BTBD9: variants seen among roughly 807,000 people sequenced by gnomAD.
The protein encoded by BTBD9 is BTB domain containing 9.
BTBD9 carries 49 observed loss-of-function variants against 64.3 expected under a neutral mutation model. That is an observed-to-expected ratio of 0.76 (90% CI 0.61 to 0.97). The LOEUF (loss-of-function observed/expected upper bound fraction) is 0.97, where lower values mean the gene tolerates loss of function less well. Among genes scored for constraint, BTBD9 ranks in the 50% least tolerant of loss-of-function variants. The pLI, the probability that BTBD9 is intolerant of heterozygous loss-of-function variation, is 0.00. For synonymous variants in BTBD9, 260 were observed against 274.7 expected (o/e 0.95, Z 0.53); for missense variants, 598 against 762.1 (o/e 0.78, Z 2.53).
chr6:38,613,148 T>C (rs1481033609), intron 1 of BTBD9: 1 of 152,242 alleles, frequency 6.6e-6, no homozygotes, highest in Non-Finnish European at 1.5e-5. Context: ...CTTCATAAAA[T>C]ATATTAAAAT....
intron 7 of BTBD9, among the ~76,000 whole-genome samples, chr6:38,329,778 A>C (rs969648630): frequency 1.5e-4 from 23 of 151,234 alleles, no homozygotes; most frequent in Non-Finnish European, 2.7e-4. Context: ...AACAGGCAAA[A>C]CTCCCTCTAC....
At chr6:38,300,842 GC>G (rs1354580479) in intron 7 of BTBD9, among the ~76,000 whole-genome samples, 4 of 152,040 alleles carry the variant, frequency 2.6e-5, no homozygotes, top group African/African-American at 9.7e-5. Context: ...CTAATTGAAT[GC>G]CCTTTATTTC....
At chr6:38,180,545 G>C (rs1170677801) in intron 10 of BTBD9, among the ~76,000 whole-genome samples, 1 of 106,394 alleles carries the variant, frequency 9.4e-6, no homozygotes, top group Non-Finnish European at 2.1e-5. Context: ...AGGTGGAACA[G>C]CCAAGTCCTG....
In BTBD9 at chr6:38,466,223, C is replaced by G. The variant is rs377565629; in HGVS notation, c.1154+111377G>C. Among the ~76,000 whole-genome samples, 55 of 148,302 alleles carry G rather than the reference C, an allele frequency of 3.7e-4. 1 individual carries two copies. Among genetic ancestry groups the G allele is most frequent in the Admixed American group, 1.4e-3 (21 of 14,832 alleles). ...ATTAGTCTTTTAATATCTATGGAATCTGTACTGATGTCAGAATTTCTAAAG... is the reference window on the plus strand; with the variant it reads ...ATTAGTCTTTTAATATCTATGGAATGTGTACTGATGTCAGAATTTCTAAAG... On this transcript the variant is annotated intron_variant, in intron 6 of 10. Transcript: ENST00000481247.
At chr6:38,602,427 C>T (rs992427642) in intron 1 of BTBD9, among the ~76,000 whole-genome samples, 19 of 149,368 alleles carry the variant, frequency 1.3e-4, no homozygotes, top group African/African-American at 3.7e-4. Flanking sequence ...ACAAAAAAAT[C>T]TTAAGTATGT....
chr6:38,559,482 C>T (rs562399206), intron 6 of BTBD9, among the ~76,000 whole-genome samples: 4 of 152,224 alleles, frequency 2.6e-5, no homozygotes, highest in African/African-American at 7.2e-5. Context: ...GAATTACTAT[C>T]GTGAAAATGG....
chr6:38,542,193 A>G (rs1162985991), intron 6 of BTBD9, among the ~76,000 whole-genome samples: 2 of 152,202 alleles, frequency 1.3e-5, no homozygotes, highest in African/African-American at 4.8e-5. Flanking sequence ...TTTTCTAAGA[A>G]CAAGTCTTGC....
At chr6:38,217,152 CA>C (rs35599057) in intron 9 of BTBD9, among the ~76,000 whole-genome samples, 59,264 of 121,720 alleles carry the variant, frequency 0.49, 13,244 homozygotes, top group Non-Finnish European at 0.55. Flanking sequence ...ACTAAGGATA[CA>C]AAAAAAAAAA....
At chr6:38,505,477 A>T (rs1250764580) in intron 6 of BTBD9, among the ~76,000 whole-genome samples, 7 of 152,018 alleles carry the variant, frequency 4.6e-5, no homozygotes, top group Non-Finnish European at 8.8e-5. Flanking sequence ...ATACAAAATT[A>T]GCCAGGCGTG....
At position 38,597,942 on chromosome 6, in the gene BTBD9, CCT is replaced by C. The variant is rs1477598121; in HGVS notation, c.151_152del (p.Arg51GlyfsTer24). On this transcript the variant is annotated frameshift_variant, in exon 2 of 11. Coordinates refer to ENST00000481247, the MANE Select transcript of BTBD9 (RefSeq NM_001099272.2). LOFTEE classifies it high-confidence loss of function. ...ATTGGCACCTGGCTGCTAAAATTAC[CCT>C]GTGGGCAGGAAAACGTTTCTTTTCC... Reference protein sequence around the residue: ...VVEKKRFPAHRVILAARCQYF... With the variant: ...VVEKKRFPAHXVILAARCQYF... The C allele has an allele frequency of 1.2e-6, 2 of 1,613,846 alleles. No homozygotes were observed. The highest frequency in any genetic ancestry group is 1.1e-5 in the South Asian group (1 of 91,038).
chr6:38,391,386 T>C (rs1176181038), intron 6 of BTBD9, among the ~76,000 whole-genome samples: 1 of 152,170 alleles, frequency 6.6e-6, no homozygotes, highest in Non-Finnish European at 1.5e-5. Flanking sequence ...CACAGTCTCT[T>C]GGAGAAGGCT....
At chr6:38,408,938 A>G (rs191696149) in intron 6 of BTBD9, among the ~76,000 whole-genome samples, 1 of 152,342 alleles carries the variant, frequency 6.6e-6, no homozygotes, top group East Asian at 1.9e-4. Flanking sequence ...TACCAGTGCT[A>G]TAGAAAAAGA....
chr6:38,583,807 A>G (rs1422209518), intron 4 of BTBD9, among the ~76,000 whole-genome samples: 2 of 152,024 alleles, frequency 1.3e-5, no homozygotes, highest in African/African-American at 4.8e-5. Flanking sequence ...TTCAAAACAG[A>G]GAACATCTAC....
intron 6 of BTBD9, 115 bp downstream of exon 6, chr6:38,577,485 G>A: frequency 1.0e-6 from 1 of 1,003,704 alleles, no homozygotes; most frequent in Non-Finnish European, 1.4e-6. Flanking sequence ...GATATGTTTA[G>A]TAGTTGACAT....
chr6:38,175,720 G>T lies in BTBD9; in HGVS notation c.1642-538C>A, dbSNP rs369975907. Among the ~76,000 whole-genome samples, 9 of 152,296 alleles carry T rather than the reference G, an allele frequency of 5.9e-5. No homozygotes were observed. The South Asian group carries it at 1.7e-3, about 28-fold the overall frequency. ...TTGAGGTTCATTGGTGTGTCTGCAG[G>T]GTCCCAGTCTGAGTGCATGTGAATG... On this transcript the variant is annotated intron_variant, in intron 10 of 10. Coordinates refer to ENST00000481247, the MANE Select transcript of BTBD9 (RefSeq NM_001099272.2).
intron 6 of BTBD9, among the ~76,000 whole-genome samples, chr6:38,534,132 C>T (rs1480186480): frequency 6.6e-6 from 1 of 151,452 alleles, no homozygotes; most frequent in Admixed American, 6.6e-5. Context: ...AGATCTTTAA[C>T]CTAACTAAGA....
intron 9 of BTBD9, among the ~76,000 whole-genome samples, chr6:38,238,578 T>C (rs1487711251): frequency 6.7e-6 from 1 of 148,470 alleles, no homozygotes; most frequent in African/African-American, 2.5e-5. Context: ...GTTCACACCA[T>C]TGTCCTGCCT....
At chr6:38,460,635 T>C (rs1229891121) in intron 6 of BTBD9, among the ~76,000 whole-genome samples, 2 of 152,128 alleles carry the variant, frequency 1.3e-5, no homozygotes, top group Non-Finnish European at 2.9e-5. Context: ...TTTGTTTTTG[T>C]TTTTTTGAGA....
At chr6:38,321,116 C>T (rs1184649749) in intron 7 of BTBD9, among the ~76,000 whole-genome samples, 3 of 152,190 alleles carry the variant, frequency 2.0e-5, no homozygotes, top group East Asian at 1.9e-4. Flanking sequence ...TTTAATTAAA[C>T]GAAGGGGTCT....
Sources: gnomAD v4.1 joint callset for allele counts (sites outside exome capture counted in the v4.1 genomes callset) on GRCh38, gnomAD v4.1.1 for gene constraint, MANE v1.5 for transcripts, NCBI Gene and HGNC (gene_info 2026-07-23, HGNC 2026-07-21) for gene names.